The following TMEM207 variants were observed in gnomAD, a reference collection of about 807,000 sequenced individuals.
The protein encoded by TMEM207 is SRSR846.
TMEM207 carries 15 observed loss-of-function variants against 17.4 expected under a neutral mutation model. The ratio of observed to expected loss-of-function variants is 0.86; its 90% CI spans 0.58 to 1.33. TMEM207 has a LOEUF of 1.33. Among genes scored for constraint, TMEM207 ranks in the 40% most tolerant of loss-of-function variants. The probability of loss-of-function intolerance (pLI) is 0.00; values close to 1 mark genes in which losing one functional copy is unlikely to be tolerated. For missense variants in TMEM207, 205 were observed against 173.8 expected, an observed-to-expected ratio of 1.18 and a Z score of -1.01; for synonymous variants, 70 against 65.6, an observed-to-expected ratio of 1.07 and a Z score of -0.33.
At chr3:190,448,302 C>T (rs1377228404) in intron 1 of TMEM207, among the ~76,000 whole-genome samples, 2 of 151,922 alleles carry the variant, frequency 1.3e-5, no homozygotes, top group South Asian at 2.1e-4. Flanking sequence ...CATGAAAGGG[C>T]GACTTTAACC....
At position 190,447,358 on chromosome 3, in the gene TMEM207, T is replaced by C. The variant is rs145369714; in HGVS notation, c.113+432A>G. Among the ~76,000 whole-genome samples, 416 of 152,282 alleles carry C rather than the reference T, an allele frequency of 2.7e-3. 2 individuals carry two copies. Among genetic ancestry groups the C allele is most frequent in the African/African-American group, 9.2e-3 (384 of 41,548 alleles). ...TCACATAATTCATATCACAAGCACT[T>C]TGAAATAGACACACAGTACAGGTTA... is the stretch of plus-strand genomic sequence containing the variant. On this transcript the variant is annotated intron_variant, in intron 2 of 4. Transcript: ENST00000354905.
At chr3:190,441,026 G>A (rs759106532) in intron 3 of TMEM207, among the ~76,000 whole-genome samples, 1 of 151,992 alleles carries the variant, frequency 6.6e-6, no homozygotes, top group Non-Finnish European at 1.5e-5. Context: ...CCGAGATGGC[G>A]CCACTGCACT....
At chr3:190,440,703 T>TCATC (rs1447206169) in intron 3 of TMEM207, among the ~76,000 whole-genome samples, 1 of 152,168 alleles carries the variant, frequency 6.6e-6, no homozygotes, top group African/African-American at 2.4e-5. Context: ...ATCCAGCCAT[T>TCATC]CATCCATCCA....
In TMEM207 at chr3:190,445,173, G is replaced by A. The variant is rs1443463951; in HGVS notation, c.113+2617C>T. On this transcript the variant is annotated intron_variant, in intron 2 of 4. Transcript: ENST00000354905. ...AAGATATTTCACTTTATCAAGCCAA[G>A]CAAGATGTGGTATATCATTAGAAAA... Among the ~76,000 whole-genome samples, 4 of 152,146 alleles carry A rather than the reference G, an allele frequency of 2.6e-5. No individual in the cohort carries two copies. In the South Asian group the frequency reaches 6.2e-4, roughly 24 times the overall value.
intron 2 of TMEM207, among the ~76,000 whole-genome samples, chr3:190,446,673 G>T (rs147264951): frequency 6.6e-6 from 1 of 152,172 alleles, no homozygotes; most frequent in African/African-American, 2.4e-5. Flanking sequence ...ACCTAAAAGG[G>T]AGAGCGGTAG....
At chr3:190,446,680 G>C (rs1341978948) in intron 2 of TMEM207, among the ~76,000 whole-genome samples, 2 of 152,162 alleles carry the variant, frequency 1.3e-5, no homozygotes, top group African/African-American at 4.8e-5. Flanking sequence ...AGGGAGAGCG[G>C]TAGCCTCAGC....
Position 190,440,368 on chromosome 3 carries a change from C to G in TMEM207, c.180G>C (p.Leu60Phe). The G allele has an allele frequency of 6.2e-7, 1 of 1,611,678 alleles. No individual in the cohort carries two copies. The highest frequency in any genetic ancestry group is 8.5e-7 in the Non-Finnish European group (1 of 1,179,346). The change falls in exon 4 of 5, where the codon TTG (leucine) becomes TTC (phenylalanine). Residue 60 changes from leucine to phenylalanine, a missense_variant. Coordinates refer to ENST00000354905, the MANE Select transcript of TMEM207 (RefSeq NM_207316.3). ...CAGCTCCACAGAGAAGAGCTGCCAC[C>G]AAAACCAGCAGCAGGAGGATCCTGA... Reference protein sequence around the residue: ...WYIWILLLLVLVAALLCGAVV... With the variant: ...WYIWILLLLVFVAALLCGAVV...
chr3:190,443,702 C>A (rs1447800511), intron 2 of TMEM207, among the ~76,000 whole-genome samples: 1 of 152,106 alleles, frequency 6.6e-6, no homozygotes, highest in Admixed American at 6.5e-5. Flanking sequence ...AAGTTGTAAA[C>A]AGAAACTTTT....
Position 190,429,622 on chromosome 3 carries a change from T to A in TMEM207, c.414A>T (p.Pro138=). ...PCFGPLGSPP[P]YEEIVKTT Reference sequence around the variant, plus strand: ...AGGTTGTTTTTACAATTTCTTCATATGGAGGTGGGGAGCCTAAAGGGCCAA... The same window carrying A: ...AGGTTGTTTTTACAATTTCTTCATAAGGAGGTGGGGAGCCTAAAGGGCCAA... Residue 138 remains proline, a synonymous_variant, in exon 5 of 5, where the codon CCA becomes CCT. Coordinates refer to ENST00000354905, the MANE Select transcript of TMEM207 (RefSeq NM_207316.3). The A allele has an allele frequency of 6.2e-7, 1 of 1,613,526 alleles. No homozygotes were observed.
chr3:190,441,774 A>C (rs1384000124), intron 2 of TMEM207, among the ~76,000 whole-genome samples: 1 of 152,252 alleles, frequency 6.6e-6, no homozygotes, highest in Non-Finnish European at 1.5e-5. Flanking sequence ...AAGCATTGAG[A>C]AGGCAGTGAC....
In TMEM207 at chr3:190,440,477, A is replaced by T. The variant is rs1719907088; in HGVS notation, c.159-88T>A. On this transcript the variant is annotated intron_variant, in intron 3 of 4. Transcript: ENST00000354905. ...ATCACTACCTAGAAGTGGGGTGAAGACTCAGCTAGACTGGCCGCAAGCAAT... is the reference window on the plus strand; with the variant it reads ...ATCACTACCTAGAAGTGGGGTGAAGTCTCAGCTAGACTGGCCGCAAGCAAT... The T allele has an allele frequency of 6.5e-6, 8 of 1,227,416 alleles. No homozygotes were observed. In the South Asian group the frequency reaches 1.2e-4, roughly 18 times the overall value. The allele number at this position is 1,227,416 out of a possible 1,614,324, so 76.0% of individuals were successfully genotyped here. A position where few individuals can be genotyped will look rare whatever the true frequency, so the allele number is the denominator to read the frequency against.
Position 190,441,513 on chromosome 3 carries a change from A to G in TMEM207, c.114-31T>C, listed in dbSNP as rs375550289. The G allele has an allele frequency of 1.4e-5, 22 of 1,579,390 alleles. No individual in the cohort carries two copies. In the African/African-American group the frequency reaches 2.7e-4, roughly 19 times the overall value. ...GATAAAGGGAGAGCGTTAGTCCTGG[A>G]ACTCAGGATAGCCAAAGCCTATTTC... is the stretch of plus-strand genomic sequence containing the variant. On this transcript the variant is annotated intron_variant, in intron 2 of 4. Transcript: ENST00000354905.
intron 4 of TMEM207, among the ~76,000 whole-genome samples, chr3:190,435,879 C>G (rs963898640): frequency 6.6e-6 from 1 of 152,232 alleles, no homozygotes; most frequent in Non-Finnish European, 1.5e-5. Context: ...CCTTACATAC[C>G]TTTATAAGGA....
chr3:190,436,108 C>T (rs1353764533), intron 4 of TMEM207, among the ~76,000 whole-genome samples: 1 of 152,166 alleles, frequency 6.6e-6, no homozygotes, highest in African/African-American at 2.4e-5. Flanking sequence ...AGAGTCCAAC[C>T]TTTGCCCTAC....
In TMEM207 at chr3:190,429,204, A is replaced by T. The variant is rs1719636226; in HGVS notation, c.*391T>A. The T allele has an allele frequency of 6.4e-6, 1 of 156,786 alleles. No individual in the cohort carries two copies. The highest frequency in any genetic ancestry group is 6.3e-5 in the Admixed American group (1 of 15,870). The allele number at this position is 156,786 out of a possible 1,614,324, so 9.7% of individuals were successfully genotyped here. On this transcript the variant is annotated 3_prime_UTR_variant, in exon 5 of 5. Transcript: ENST00000354905. Reference sequence around the variant, plus strand: ...GATTCTCGGCTTGGGCTATTGTTAAATTATAATAATTTTTATGGACCCCAT... The same window carrying T: ...GATTCTCGGCTTGGGCTATTGTTAATTTATAATAATTTTTATGGACCCCAT...
At chr3:190,445,249 A>G (rs1286439710) in intron 2 of TMEM207, among the ~76,000 whole-genome samples, 3 of 152,212 alleles carry the variant, frequency 2.0e-5, no homozygotes, top group Non-Finnish European at 2.9e-5. Context: ...AGTCATATTT[A>G]TATTTCATAA....
chr3:190,435,946 A>G (rs2108533561), intron 4 of TMEM207, among the ~76,000 whole-genome samples: 1 of 152,342 alleles, frequency 6.6e-6, no homozygotes, highest in African/African-American at 2.4e-5. Flanking sequence ...ATAACTGGCA[A>G]CCTGCACCAT....
Position 190,441,304 on chromosome 3 carries a change from T to C in TMEM207, c.158+134A>G. On this transcript the variant is annotated intron_variant, in intron 3 of 4. Transcript: ENST00000354905. ...ACATTGGCCAACGATCTGAAAGTGATGTTTCTATATTCATTTGCATGACCC... is the reference window on the plus strand; with the variant it reads ...ACATTGGCCAACGATCTGAAAGTGACGTTTCTATATTCATTTGCATGACCC... The C allele has an allele frequency of 4.4e-6, 3 of 674,566 alleles. No individual in the cohort carries two copies. In the South Asian group the frequency reaches 5.7e-5, roughly 13 times the overall value. 41.8% of individuals were successfully genotyped at this position (674,566 alleles called of 1,614,324 possible). A position where few individuals can be genotyped will look rare whatever the true frequency, so the allele number is the denominator to read the frequency against.
intron 4 of TMEM207, among the ~76,000 whole-genome samples, chr3:190,435,138 T>C (rs915899891): frequency 6.6e-6 from 1 of 152,264 alleles, no homozygotes; most frequent in African/African-American, 2.4e-5. Context: ...TTACTAGGGC[T>C]GTCATAACAA....
Sources: gnomAD v4.1 joint callset for allele counts (sites outside exome capture counted in the v4.1 genomes callset) on GRCh38, gnomAD v4.1.1 for gene constraint, MANE v1.5 for transcripts, NCBI Gene and HGNC (gene_info 2026-07-23, HGNC 2026-07-21) for gene names.